DLG2: variants seen among roughly 807,000 people sequenced by gnomAD.
DLG2 encodes the protein disks large homolog 2.
DLG2 carries 45 observed loss-of-function variants against 132.5 expected under a neutral mutation model. The observed-to-expected ratio is 0.34, with a 90% CI of 0.27 to 0.44. The LOEUF (loss-of-function observed/expected upper bound fraction) is 0.44, where lower values mean the gene tolerates loss of function less well. Ranked by LOEUF, DLG2 falls within the 20% of genes least tolerant of loss-of-function variation. The probability of loss-of-function intolerance (pLI) is 1.00; values close to 1 mark genes in which losing one functional copy is unlikely to be tolerated. For synonymous variants in DLG2, 424 were observed against 419.6 expected, an observed-to-expected ratio of 1.01 and a Z score of -0.13; for missense variants, 1,045 against 1,196.9, an observed-to-expected ratio of 0.87 and a Z score of 1.87.
chr11:84,666,684 G>A (rs1011474646), intron 6 of DLG2, among the ~76,000 whole-genome samples: 6 of 151,924 alleles, frequency 3.9e-5, no homozygotes, highest in African/African-American at 1.2e-4. Context: ...AAGTATATAT[G>A]TGTATAATTA....
rs2099213343 is a variant in DLG2 at position 84,502,230 on chromosome 11, CCTTCCTTCCTT to C, written c.519+32329_519+32339del. Among the ~76,000 whole-genome samples, 2 of 22,204 alleles carry C rather than the reference CCTTCCTTCCTT, an allele frequency of 9.0e-5. 1 individual carries two copies. The highest frequency in any genetic ancestry group is 1.8e-3 in the African/African-American group (2 of 1,138). The allele number at this position is 22,204 out of a possible 152,430, so 14.6% of individuals were successfully genotyped here. A position where few individuals can be genotyped will look rare whatever the true frequency, so the allele number is the denominator to read the frequency against. On this transcript the variant is annotated intron_variant, in intron 7 of 27. Transcript: ENST00000376104. ...TCCTTCCTTCCTTCCTTCCTTCCTT[CCTTCCTTCCTT>C]CCTTCCTTCCTTCCTTCCTTCCTTC...
Position 84,238,307 on chromosome 11 carries a change from G to A in DLG2, c.573+12931C>T, listed in dbSNP as rs569266775. ...AGGTGTGCGGATTGCTTGAGCCTGG[G>A]AATTCAAGACCAGCCTGGGCAACAT... On this transcript the variant is annotated intron_variant, in intron 8 of 27. Transcript: ENST00000376104. Among the ~76,000 whole-genome samples, 4 of 152,134 alleles carry A rather than the reference G, an allele frequency of 2.6e-5. No individual in the cohort carries two copies. The South Asian group carries it at 8.3e-4, about 32-fold the overall frequency.
chr11:84,357,266 C>T (rs1049429447), intron 7 of DLG2, among the ~76,000 whole-genome samples: 9 of 152,134 alleles, frequency 5.9e-5, no homozygotes, highest in Admixed American at 1.3e-4. Context: ...CACACATCAA[C>T]ATGTGAGATA....
intron 3 of DLG2, among the ~76,000 whole-genome samples, chr11:85,358,141 T>G (rs988736455): frequency 3.9e-5 from 6 of 152,132 alleles, no homozygotes; most frequent in African/African-American, 1.2e-4. Context: ...AAATGACTTT[T>G]CAACCATGGC....
chr11:84,487,456 G>A (rs1202107154), intron 7 of DLG2, among the ~76,000 whole-genome samples: 1 of 152,044 alleles, frequency 6.6e-6, no homozygotes, highest in African/African-American at 2.4e-5. Context: ...TATAGCTGAT[G>A]GTCATCAAGG....
chr11:85,485,493 A>C (rs1484915010), intron 3 of DLG2, among the ~76,000 whole-genome samples: 1 of 152,214 alleles, frequency 6.6e-6, no homozygotes, highest in Non-Finnish European at 1.5e-5. Flanking sequence ...CCAGAATAGT[A>C]AATAAACACT....
intron 15 of DLG2, among the ~76,000 whole-genome samples, chr11:83,878,790 G>T (rs1395317226): frequency 6.6e-6 from 1 of 152,200 alleles, no homozygotes; most frequent in Admixed American, 6.5e-5. Context: ...TGCTGGAGAA[G>T]AAGTCCCCTG....
chr11:84,273,704 T>C (rs1446148215), intron 7 of DLG2, among the ~76,000 whole-genome samples: 1 of 152,168 alleles, frequency 6.6e-6, no homozygotes, highest in East Asian at 1.9e-4. Context: ...TATACACACA[T>C]ATATGTACAT....
intron 19 of DLG2, among the ~76,000 whole-genome samples, chr11:83,586,213 G>A (rs967803482): frequency 1.3e-5 from 2 of 152,238 alleles, no homozygotes; most frequent in Non-Finnish European, 2.9e-5. Context: ...AGAAAAAAGG[G>A]CTTTGCCAGC....
chr11:84,079,519 G>C (rs1566383739), intron 10 of DLG2, among the ~76,000 whole-genome samples: 1 of 152,096 alleles, frequency 6.6e-6, no homozygotes, highest in Non-Finnish European at 1.5e-5. Flanking sequence ...CTGACCTCAG[G>C]TGATCCACCC....
chr11:84,146,973 T>C (rs779902260), intron 9 of DLG2, among the ~76,000 whole-genome samples: 2 of 152,104 alleles, frequency 1.3e-5, no homozygotes, highest in African/African-American at 2.4e-5. Flanking sequence ...AAAGACCACA[T>C]AGTGGCCACT....
At position 85,441,021 on chromosome 11, in the gene DLG2, G is replaced by C. The variant is rs1432458342; in HGVS notation, c.41-155656C>G. On this transcript the variant is annotated intron_variant, in intron 3 of 27. Coordinates refer to ENST00000376104, the MANE Select transcript of DLG2 (RefSeq NM_001142699.3). Reference sequence around the variant, plus strand: ...TTGGGCATTTTGACACCTCCTAAAAGCAAACAATTAAGCTTTCAGCTTTTA... The same window carrying C: ...TTGGGCATTTTGACACCTCCTAAAACCAAACAATTAAGCTTTCAGCTTTTA... Among the ~76,000 whole-genome samples, 9 of 152,264 alleles carry C rather than the reference G, an allele frequency of 5.9e-5. No homozygotes were observed. In the East Asian group the frequency reaches 1.4e-3, roughly 23 times the overall value.
At chr11:84,554,027 C>T (rs2099407001) in intron 6 of DLG2, among the ~76,000 whole-genome samples, 1 of 152,206 alleles carries the variant, frequency 6.6e-6, no homozygotes, top group Admixed American at 6.5e-5. Context: ...ATTCTCTATT[C>T]ATCACAGAAA....
chr11:83,692,966 T>C (rs1345017894), intron 18 of DLG2: 2 of 152,174 alleles, frequency 1.3e-5, no homozygotes, highest in African/African-American at 4.8e-5. Context: ...GAGCTACATG[T>C]TGAAGATGAA....
intron 3 of DLG2, among the ~76,000 whole-genome samples, chr11:85,505,439 G>A (rs2093907651): frequency 6.6e-6 from 1 of 152,132 alleles, no homozygotes. Context: ...AAGGGCTGTT[G>A]AATTTTGTCA....
chr11:83,695,998 TG>T (rs1458098230), intron 18 of DLG2, among the ~76,000 whole-genome samples: 1 of 152,172 alleles, frequency 6.6e-6, no homozygotes, highest in Non-Finnish European at 1.5e-5. Context: ...CTCTGTCATG[TG>T]GGTCAGGGGA....
At chr11:84,756,354 A>G (rs1402562695) in intron 6 of DLG2, among the ~76,000 whole-genome samples, 2 of 152,214 alleles carry the variant, frequency 1.3e-5, no homozygotes, top group Non-Finnish European at 2.9e-5. Flanking sequence ...CACACCTGTA[A>G]TCCCAGCCCT....
At chr11:84,826,759 A>T (rs143021437) in intron 6 of DLG2, among the ~76,000 whole-genome samples, 288 of 151,808 alleles carry the variant, frequency 1.9e-3, no homozygotes, top group African/African-American at 6.4e-3. Context: ...TAACCAGGAC[A>T]ACCTCTGCTG....
intron 6 of DLG2, among the ~76,000 whole-genome samples, chr11:84,935,929 G>A (rs2048694365): frequency 6.6e-6 from 1 of 152,074 alleles, no homozygotes; most frequent in Non-Finnish European, 1.5e-5. Flanking sequence ...TCCTATTTAC[G>A]CTTATAATAT....
Sources: allele counts gnomAD v4.1 joint callset (sites outside exome capture counted in the v4.1 genomes callset), GRCh38; gene constraint gnomAD v4.1.1; transcripts MANE v1.5; gene names NCBI Gene and HGNC (gene_info 2026-07-23, HGNC 2026-07-21).